Variants in LAMA4 observed in about 807,000 individuals in gnomAD.
LAMA4 encodes laminin subunit alpha-4.
Under a neutral mutation model 207.1 loss-of-function variants are expected in LAMA4, and 127 were observed. The observed-to-expected ratio is 0.61, with a 90% CI of 0.53 to 0.71. LAMA4 has a LOEUF of 0.71. Ranked by LOEUF, LAMA4 falls within the 30% of genes least tolerant of loss-of-function variation. The probability of loss-of-function intolerance (pLI) is 0.00; values close to 1 mark genes in which losing one functional copy is unlikely to be tolerated. For missense variants in LAMA4, 2,093 were observed against 2,246.5 expected (o/e 0.93, Z 1.38); for synonymous variants, 761 against 816.0 (o/e 0.93, Z 1.15).
At chr6:112,190,104 AT>A (rs782291084) in intron 6 of LAMA4, among the ~76,000 whole-genome samples, 2 of 152,198 alleles carry the variant, frequency 1.3e-5, no homozygotes, top group Non-Finnish European at 2.9e-5. Context: ...CAAAATGCAG[AT>A]TTATTAAATC....
At position 112,238,423 on chromosome 6, in the gene LAMA4, A is replaced by C. The variant is rs1029987504; in HGVS notation, c.195+15533T>G. ...TCCATATTTCAAAATATTGAATTAA[A>C]AGTTGGCCAGGCATGGTGGCTCATG... On this transcript the variant is annotated intron_variant, in intron 2 of 38. Coordinates refer to ENST00000230538, the MANE Select transcript of LAMA4 (RefSeq NM_001105206.3). 5.9e-5 allele frequency among the ~76,000 whole-genome samples: 9 copies of C among 152,304 alleles called. No homozygotes were observed. In the South Asian group the frequency reaches 1.9e-3, roughly 32 times the overall value.
intron 38 of LAMA4, 99 bp from the exon 39 acceptor site, chr6:112,109,681 A>G: frequency 8.3e-7 from 1 of 1,204,608 alleles, no homozygotes; most frequent in Non-Finnish European, 1.2e-6. Flanking sequence ...TCATATCATC[A>G]ATATGATTTA....
intron 2 of LAMA4, among the ~76,000 whole-genome samples, chr6:112,237,972 A>G (rs1786059559): frequency 6.6e-6 from 1 of 152,214 alleles, no homozygotes; most frequent in African/African-American, 2.4e-5. Flanking sequence ...TTCTTCTGCT[A>G]TGAAGTCTTT....
At chr6:112,123,734 G>A (rs1190330868) in intron 31 of LAMA4, among the ~76,000 whole-genome samples, 1 of 152,156 alleles carries the variant, frequency 6.6e-6, no homozygotes, top group African/African-American at 2.4e-5. Flanking sequence ...CTCTCACAGT[G>A]GTGGTTAGGT....
At chr6:112,161,759 T>C (rs1453644151) in intron 13 of LAMA4, among the ~76,000 whole-genome samples, 1 of 151,972 alleles carries the variant, frequency 6.6e-6, no homozygotes, top group East Asian at 1.9e-4. Context: ...GATGTCAGGG[T>C]CATAAGGACA....
At chr6:112,188,834 G>C in intron 7 of LAMA4, 1 of 396,976 alleles carries the variant, frequency 2.5e-6, no homozygotes, top group East Asian at 4.8e-5. Context: ...TGGGAGTTGT[G>C]TTTCTGACTT....
At chr6:112,228,409 A>T (rs1452077152) in intron 2 of LAMA4, among the ~76,000 whole-genome samples, 1 of 152,208 alleles carries the variant, frequency 6.6e-6, no homozygotes, top group Non-Finnish European at 1.5e-5. Context: ...AAGGAAATGG[A>T]AAAAGCCATG....
chr6:112,199,010 A>G (rs4947175), intron 5 of LAMA4, among the ~76,000 whole-genome samples: 58,623 of 151,946 alleles, frequency 0.39, 11,605 homozygotes, highest in African/African-American at 0.43. Context: ...CACCCAGGCT[A>G]ATGCTCAAAT....
chr6:112,191,864 T>A lies in LAMA4; in HGVS notation c.504-14A>T, dbSNP rs782376444. 4 of 1,568,840 alleles carry A rather than the reference T, an allele frequency of 2.5e-6. No homozygotes were observed. Among genetic ancestry groups the A allele is most frequent in the Middle Eastern group, 3.3e-4 (2 of 5,980 alleles). On this transcript the variant is annotated splice_polypyrimidine_tract_variant and intron_variant, in intron 5 of 38. Coordinates refer to ENST00000230538, the MANE Select transcript of LAMA4 (RefSeq NM_001105206.3). ...CCGGGAGCACATCTGAAGAGGAATA[T>A]CACACATTTAAATATTTAGCATCAT...
chr6:112,175,286 G>A (rs782815186), intron 11 of LAMA4, 27 bp downstream of exon 11: 2 of 1,611,464 alleles, frequency 1.2e-6, no homozygotes, highest in Admixed American at 3.3e-5. Flanking sequence ...ACATGTGCTG[G>A]GTCAGCTATG....
rs184641552 is a variant in LAMA4, at chr6:112,114,007, T to C, written c.5326+69A>G. On this transcript the variant is annotated intron_variant, in intron 38 of 38. Transcript: ENST00000230538. ...TGCATCATAAAAACACATGGCTCAA[T>C]TCTACAATAACAATTGTGAGAACTC... is the stretch of plus-strand genomic sequence containing the variant. 1,021 of 1,578,322 alleles carry C rather than the reference T, an allele frequency of 6.5e-4. 1 individual carries two copies. Among genetic ancestry groups the C allele is most frequent in the Non-Finnish European group, 8.6e-4 (987 of 1,147,576 alleles).
intron 16 of LAMA4, among the ~76,000 whole-genome samples, chr6:112,151,141 C>T (rs1780377890): frequency 6.6e-6 from 1 of 152,068 alleles, no homozygotes. Flanking sequence ...AAAATAGAAA[C>T]TTATTACCAC....
chr6:112,167,425 T>C (rs1554340365), intron 12 of LAMA4, among the ~76,000 whole-genome samples: 1 of 152,182 alleles, frequency 6.6e-6, no homozygotes, highest in African/African-American at 2.4e-5. Flanking sequence ...CAAACCCACT[T>C]AAGTTTGTTT....
chr6:112,230,127 T>C (rs76704044), intron 2 of LAMA4, among the ~76,000 whole-genome samples: 1 of 152,352 alleles, frequency 6.6e-6, no homozygotes, highest in East Asian at 1.9e-4. Context: ...CTTTTTGCCA[T>C]TTTAAGAAAT....
chr6:112,254,570 A>T (rs782094280), upstream of LAMA4: 2 of 256,842 alleles, frequency 7.8e-6, no homozygotes, highest in Non-Finnish European at 1.5e-5. Flanking sequence ...TCCTTCTCAC[A>T]TTCATTCTCA....
At chr6:112,182,433 A>T (rs905325144) in intron 9 of LAMA4, among the ~76,000 whole-genome samples, 26 of 152,196 alleles carry the variant, frequency 1.7e-4, no homozygotes, top group Non-Finnish European at 3.1e-4. Context: ...ACTTTGTGGA[A>T]TTTTTCCAAA....
intron 29 of LAMA4, 77 bp from the exon 30 acceptor site, chr6:112,130,117 G>A (rs1778941734): frequency 3.2e-6 from 4 of 1,237,500 alleles, no homozygotes; most frequent in Non-Finnish European, 4.7e-6. Context: ...GGATAAGCAG[G>A]TTTTCTCATG....
chr6:112,187,923 A>T (rs1354168345), intron 7 of LAMA4, among the ~76,000 whole-genome samples: 1 of 152,148 alleles, frequency 6.6e-6, no homozygotes, highest in Non-Finnish European at 1.5e-5. Context: ...CAGCACCGGG[A>T]GGTCTGAGGT....
At chr6:112,218,846 C>A (rs1280366428) in intron 2 of LAMA4, 1 of 152,298 alleles carries the variant, frequency 6.6e-6, no homozygotes. Flanking sequence ...GGAGGGCTGG[C>A]AGGGAAACCT....
Sources: gnomAD v4.1 joint callset for allele counts (sites outside exome capture counted in the v4.1 genomes callset) on GRCh38, gnomAD v4.1.1 for gene constraint, MANE v1.5 for transcripts, NCBI Gene and HGNC (gene_info 2026-07-23, HGNC 2026-07-21) for gene names.